The following CHODL variants were observed in gnomAD, a reference collection of about 807,000 sequenced individuals.
The protein encoded by CHODL is transmembrane protein MT75.
A neutral mutation model predicts 34.5 loss-of-function variants in CHODL; 29 were observed. That is an observed-to-expected ratio of 0.84 (90% CI 0.63 to 1.15). CHODL has a LOEUF of 1.15. Ranked by LOEUF, CHODL falls within the 50% of genes most tolerant of loss-of-function variation. CHODL has a pLI of 0.00. For missense variants in CHODL, 332 were observed against 332.5 expected (o/e 1.00, Z 0.01); for synonymous variants, 125 against 116.1 (o/e 1.08, Z -0.49).
chr21:18,048,038 G>A (rs983159396), intron 2 of CHODL, among the ~76,000 whole-genome samples: 5 of 151,858 alleles, frequency 3.3e-5, no homozygotes, highest in African/African-American at 9.6e-5. Flanking sequence ...AGGACTTGTC[G>A]AGCACCTACT....
intron 2 of CHODL, among the ~76,000 whole-genome samples, chr21:18,229,195 A>G (rs1441974299): frequency 2.6e-5 from 4 of 152,196 alleles, no homozygotes; most frequent in Admixed American, 6.6e-5. Context: ...ATCAGGTGAA[A>G]TATGACTTTT....
intron 1 of CHODL, among the ~76,000 whole-genome samples, chr21:17,943,738 A>G (rs987006289): frequency 6.6e-6 from 1 of 152,202 alleles, no homozygotes; most frequent in Non-Finnish European, 1.5e-5. Context: ...CTGTCCCCCA[A>G]GTCAGCATAG....
In CHODL at chr21:18,041,133, G is replaced by T. The variant is rs145097763; in HGVS notation, c.-45+13162G>T. Among the ~76,000 whole-genome samples the T allele has an allele frequency of 5.3e-5, 8 of 151,914 alleles. No homozygotes were observed. The East Asian group carries it at 1.2e-3, about 22-fold the overall frequency. On this transcript the variant is annotated intron_variant, in intron 2 of 6. Transcript: ENST00000400127. ...CTGTAAGCTGAAAATTTGTATCCTG[G>T]CATTGATTTGGTTGGACCTATGAAA...
At chr21:18,097,466 C>A (rs2065153560) in intron 2 of CHODL, among the ~76,000 whole-genome samples, 1 of 151,944 alleles carries the variant, frequency 6.6e-6, no homozygotes, top group African/African-American at 2.4e-5. Context: ...AAGGTAATCC[C>A]ATTTACAATA....
At chr21:18,255,700 T>C (rs2074307003) in intron 1 of CHODL, among the ~76,000 whole-genome samples, 2 of 152,096 alleles carry the variant, frequency 1.3e-5, no homozygotes, top group Middle Eastern at 3.2e-3. Flanking sequence ...TTAAAGTATA[T>C]TCCTTTTTTT....
chr21:18,241,707 G>C (rs2074083970), upstream of CHODL, among the ~76,000 whole-genome samples: 1 of 152,134 alleles, frequency 6.6e-6, no homozygotes, highest in African/African-American at 2.4e-5. Flanking sequence ...GAAAGTGAAT[G>C]GTGAGAGTGA....
In CHODL at chr21:18,251,617, A is replaced by G. The variant is rs1286405257; in HGVS notation, c.80-4892A>G. On this transcript the variant is annotated intron_variant, in intron 1 of 5. Transcript: ENST00000299295. ...TTTTATTTATTTATTTTAATATATA[A>G]AATATTTATTTTATTTATTTATTTT... Among the ~76,000 whole-genome samples the G allele has an allele frequency of 5.8e-3, 565 of 97,902 alleles. 4 individuals carry two copies. The highest frequency in any genetic ancestry group is 9.1e-3 in the Non-Finnish European group (434 of 47,752). 64.2% of individuals were successfully genotyped at this position (97,902 alleles called of 152,430 possible). A position where few individuals can be genotyped will look rare whatever the true frequency, so the allele number is the denominator to read the frequency against.
At chr21:17,962,190 T>C (rs1253797787) in intron 1 of CHODL, among the ~76,000 whole-genome samples, 1 of 152,218 alleles carries the variant, frequency 6.6e-6, no homozygotes, top group Non-Finnish European at 1.5e-5. Context: ...ACATATGGAA[T>C]CAAGACCATT....
At chr21:18,098,929 A>T (rs4122523) in intron 2 of CHODL, among the ~76,000 whole-genome samples, 54,267 of 124,446 alleles carry the variant, frequency 0.44, 11,120 homozygotes, top group East Asian at 0.85. Flanking sequence ...TTGCAACAAC[A>T]TGGATGGAAC....
chr21:18,083,423 G>T (rs2064965877), intron 2 of CHODL, among the ~76,000 whole-genome samples: 1 of 152,180 alleles, frequency 6.6e-6, no homozygotes, highest in Non-Finnish European at 1.5e-5. Flanking sequence ...TTCCCCACTG[G>T]CACACTGCCT....
Position 18,027,969 on chromosome 21 carries a change from A to T in CHODL, c.-47A>T, listed in dbSNP as rs879104609. On this transcript the variant is annotated splice_region_variant and 5_prime_UTR_variant, in exon 2 of 7. Coordinates refer to the CHODL transcript ENST00000400127. ...TGATTCTGAACTTCTAGCCTCCAGA[A>T]CTGTAAGAAATAAATTTCTATTGTT... 3.3e-5 allele frequency: 5 copies of T among 152,684 alleles called. No individual in the cohort carries two copies. In the South Asian group the frequency reaches 6.2e-4, roughly 19 times the overall value. 9.5% of individuals were successfully genotyped at this position (152,684 alleles called of 1,614,324 possible).
At chr21:18,038,649 A>G (rs1261026271) in intron 2 of CHODL, among the ~76,000 whole-genome samples, 1 of 151,754 alleles carries the variant, frequency 6.6e-6, no homozygotes, top group African/African-American at 2.4e-5. Flanking sequence ...TAAGTGGGAA[A>G]AATACTTGCC....
intron 2 of CHODL, among the ~76,000 whole-genome samples, chr21:18,038,793 G>A (rs1288041991): frequency 6.6e-6 from 1 of 151,618 alleles, no homozygotes; most frequent in African/African-American, 2.4e-5. Context: ...AAAATGACTT[G>A]ATGTAAGATT....
chr21:18,126,204 G>C (rs144193456), intron 2 of CHODL, among the ~76,000 whole-genome samples: 19 of 152,250 alleles, frequency 1.2e-4, no homozygotes, highest in African/African-American at 4.6e-4. Flanking sequence ...ACTCTGATTA[G>C]TCACTAGCCA....
intron 1 of CHODL, among the ~76,000 whole-genome samples, chr21:17,965,974 G>C (rs1600840004): frequency 1.3e-5 from 2 of 148,652 alleles, no homozygotes; most frequent in African/African-American, 4.9e-5. Context: ...TGGATGGATT[G>C]TGGTTATGAT....
At chr21:18,158,029 C>T (rs1345914181) in intron 2 of CHODL, among the ~76,000 whole-genome samples, 10 of 145,450 alleles carry the variant, frequency 6.9e-5, no homozygotes, top group African/African-American at 1.3e-4. Context: ...GGTTTTATAG[C>T]GTGCTTTGAG....
At chr21:18,003,771 A>C (rs187980667) in intron 1 of CHODL, among the ~76,000 whole-genome samples, 1 of 152,218 alleles carries the variant, frequency 6.6e-6, no homozygotes, top group African/African-American at 2.4e-5. Context: ...ACCCAAGAGC[A>C]GTTCTGTCAG....
intron 2 of CHODL, among the ~76,000 whole-genome samples, chr21:18,225,077 T>A (rs2073919119): frequency 6.6e-6 from 1 of 152,162 alleles, no homozygotes; most frequent in African/African-American, 2.4e-5. Context: ...AAAGTTTGAA[T>A]GGAATTGCAG....
At chr21:17,925,556 TAAAC>T (rs1171203381) in intron 1 of CHODL, among the ~76,000 whole-genome samples, 1 of 152,210 alleles carries the variant, frequency 6.6e-6, no homozygotes, top group African/African-American at 2.4e-5. Flanking sequence ...GTTGAATAAA[TAAAC>T]AAGGAGCTAC....
Sources: allele counts gnomAD v4.1 joint callset (sites outside exome capture counted in the v4.1 genomes callset), GRCh38; gene constraint gnomAD v4.1.1; transcripts MANE v1.5; gene names NCBI Gene and HGNC (gene_info 2026-07-23, HGNC 2026-07-21).